The following NHSL1 variants were observed in gnomAD, a reference collection of about 807,000 sequenced individuals.
The protein encoded by NHSL1 is NHS-like protein 1.
Under a neutral mutation model 95.0 loss-of-function variants are expected in NHSL1, and 48 were observed. The observed-to-expected ratio is 0.51, with a 90% CI of 0.40 to 0.64. NHSL1 has a LOEUF of 0.64. NHSL1 is among the 30% of genes least tolerant of loss of function. The pLI, the probability that NHSL1 is intolerant of heterozygous loss-of-function variation, is 0.00. For synonymous variants in NHSL1, 783 were observed against 833.9 expected (o/e 0.94, Z 1.05); for missense variants, 1,971 against 2,077.7 (o/e 0.95, Z 1.00).
chr6:138,447,032 G>T lies in NHSL1; in HGVS notation c.501C>A (p.Val167=). The change falls in exon 4 of 8, where the codon GTC becomes GTA. Residue 167 remains valine, a synonymous_variant. Coordinates refer to ENST00000343505, the MANE Select transcript of NHSL1 (RefSeq NM_001144060.2). The part of the protein sequence containing the change: ...EEKMRQQAQT[V]QADVVPINIT... ...TGTTAATAGGCACCACGTCAGCCTG[G>T]ACTGTTTGGGCTTGCTGTCGCATCT... 2 of 1,551,720 alleles carry T rather than the reference G, an allele frequency of 1.3e-6. No individual in the cohort carries two copies. The highest frequency in any genetic ancestry group is 1.7e-6 in the Non-Finnish European group (2 of 1,146,994).
In NHSL1 at chr6:138,432,555, C is replaced by T. The variant is rs985605449; in HGVS notation, c.1790G>A (p.Gly597Glu). 6.4e-7 allele frequency: 1 copy of T among 1,552,048 alleles called. No homozygotes were observed. Among genetic ancestry groups the T allele is most frequent in the Non-Finnish European group, 8.7e-7 (1 of 1,147,052 alleles). The change falls in exon 6 of 8, where the codon GGG becomes GAG. Residue 597 changes from glycine to glutamate, a missense_variant. By Grantham distance (98) the Gly-to-Glu change is moderately conservative. Around this residue, in one of 3 missense-constraint regions of NHSL1, gnomAD observed 1,602 missense variants for 1,654.5 expected, o/e 0.97. Transcript: ENST00000343505. The surrounding 1 kb of genome is among the most constrained non-coding windows in gnomAD (Gnocchi z 4.4). ...ATCGTGGTCCTCAGAATACAGCGAC[C>T]CAGCATCCTCTTTGTTGGACGTTTG... ...LDQTSNKEDA[G>E]SLYSEDHDGY... is the part of the protein sequence containing the mutation.
At chr6:138,444,833 AAT>A (rs1177029944) in intron 4 of NHSL1, among the ~76,000 whole-genome samples, 2 of 152,224 alleles carry the variant, frequency 1.3e-5, no homozygotes, top group African/African-American at 4.8e-5. Context: ...TTCTTTAAGA[AAT>A]ATGTGTGTAT....
At chr6:138,593,004 C>A (rs1394689003) in intron 1 of NHSL1, among the ~76,000 whole-genome samples, 1 of 152,142 alleles carries the variant, frequency 6.6e-6, no homozygotes, top group Non-Finnish European at 1.5e-5. Context: ...TCTGTCATGG[C>A]AGTTCACTTC....
chr6:138,689,142 A>C (rs1199498616), intron 1 of NHSL1, among the ~76,000 whole-genome samples: 2 of 152,202 alleles, frequency 1.3e-5, no homozygotes, highest in African/African-American at 4.8e-5. Context: ...TAAGTCACTA[A>C]GTATTAATTC....
chr6:138,614,830 A>G (rs1443371159), intron 1 of NHSL1, among the ~76,000 whole-genome samples: 1 of 152,156 alleles, frequency 6.6e-6, no homozygotes, highest in African/African-American at 2.4e-5. Context: ...TGAACTGCGC[A>G]TGGGAGGGAT....
intron 1 of NHSL1, among the ~76,000 whole-genome samples, chr6:138,497,753 C>T (rs1780442034): frequency 6.6e-6 from 1 of 152,150 alleles, no homozygotes; most frequent in African/African-American, 2.4e-5. Context: ...TCTTGTAAAC[C>T]TGGGCCACAT....
intron 1 of NHSL1, among the ~76,000 whole-genome samples, chr6:138,666,754 A>G (rs995640824): frequency 6.6e-6 from 1 of 152,194 alleles, no homozygotes; most frequent in Non-Finnish European, 1.5e-5. Flanking sequence ...GTATATTGAT[A>G]TACAGGAGGG....
At chr6:138,453,147 G>T (rs959131843) in intron 3 of NHSL1, among the ~76,000 whole-genome samples, 2 of 151,016 alleles carry the variant, frequency 1.3e-5, no homozygotes, top group Non-Finnish European at 3.0e-5. Flanking sequence ...GCTAATTTTT[G>T]TATTTTTAGT....
chr6:138,570,156 G>A (rs545264395), intron 1 of NHSL1, among the ~76,000 whole-genome samples: 6 of 152,306 alleles, frequency 3.9e-5, no homozygotes, highest in African/African-American at 1.4e-4. Context: ...AGCATCTACA[G>A]TAGAAATCCT....
Position 138,472,958 on chromosome 6 carries a change from T to C in NHSL1, c.339+348A>G, listed in dbSNP as rs149496584. Among the ~76,000 whole-genome samples, 886 of 152,326 alleles carry C rather than the reference T, an allele frequency of 5.8e-3. 1 individual carries two copies. The highest frequency in any genetic ancestry group is 9.8e-3 in the Non-Finnish European group (669 of 68,028). On this transcript the variant is annotated intron_variant, in intron 3 of 7. Coordinates refer to ENST00000343505, the MANE Select transcript of NHSL1 (RefSeq NM_001144060.2). ...ACTCAAACAAAAGAAATAAGCCCTTTATTTTTCTAACCAAAAAAGAATATT... is the reference window on the plus strand; with the variant it reads ...ACTCAAACAAAAGAAATAAGCCCTTCATTTTTCTAACCAAAAAAGAATATT...
intron 3 of NHSL1, among the ~76,000 whole-genome samples, chr6:138,451,192 C>T (rs1047447385): frequency 2.0e-5 from 3 of 152,148 alleles, no homozygotes; most frequent in Non-Finnish European, 4.4e-5. Flanking sequence ...ATTTATTCTA[C>T]TCCAGCCACA....
chr6:138,646,517 T>C (rs6933977), intron 1 of NHSL1, among the ~76,000 whole-genome samples: 6,308 of 151,938 alleles, frequency 0.042, 343 homozygotes, highest in African/African-American at 0.13. Flanking sequence ...AAAAAAATTC[T>C]TATCAATACT....
intron 1 of NHSL1, among the ~76,000 whole-genome samples, chr6:138,635,934 G>T (rs1370765756): frequency 7.3e-6 from 1 of 137,268 alleles, no homozygotes; most frequent in East Asian, 2.2e-4. Context: ...GTCAAATAGT[G>T]AAATGCCGTC....
At chr6:138,458,741 G>A (rs574229632) in intron 3 of NHSL1, among the ~76,000 whole-genome samples, 11 of 150,628 alleles carry the variant, frequency 7.3e-5, no homozygotes, top group East Asian at 2.0e-4. Flanking sequence ...CAGGAGAATC[G>A]CTTGAACCTG....
Position 138,430,295 on chromosome 6 carries a change from C to T in NHSL1, c.3952+98G>A. ...TAGCTTTAACAGGAATCTGATCTAC[C>T]TGGGTTCTTTCCACGTGTGAGCATT... is the stretch of plus-strand genomic sequence containing the variant. On this transcript the variant is annotated intron_variant, in intron 6 of 7. Coordinates refer to ENST00000343505, the MANE Select transcript of NHSL1 (RefSeq NM_001144060.2). The surrounding 1 kb of genome is among the most constrained non-coding windows in gnomAD (Gnocchi z 4.7). 7.2e-7 allele frequency: 1 copy of T among 1,384,810 alleles called. No individual in the cohort carries two copies. Among genetic ancestry groups the T allele is most frequent in the Non-Finnish European group, 9.4e-7 (1 of 1,061,592 alleles). 85.8% of individuals were successfully genotyped at this position (1,384,810 alleles called of 1,614,324 possible).
rs534520390 is a variant in NHSL1 at position 138,534,934 on chromosome 6, G to A, written c.16+10689C>T. On this transcript the variant is annotated intron_variant, in intron 1 of 4. Transcript: ENST00000342260. The stretch of plus-strand genomic sequence containing the variant: ...GACTAAAGGTTTGATGCAGCTGCAA[G>A]TTCTGTAGCTTAGAAAACAGACTTT... 5.9e-5 allele frequency among the ~76,000 whole-genome samples: 9 copies of A among 152,326 alleles called. No homozygotes were observed. In the East Asian group the frequency reaches 1.7e-3, roughly 29 times the overall value.
At chr6:138,574,462 G>T (rs1783931820), upstream of NHSL1, among the ~76,000 whole-genome samples, 1 of 152,060 alleles carries the variant, frequency 6.6e-6, no homozygotes, top group Admixed American at 6.6e-5. Context: ...ACTCAAAGGA[G>T]CCATGGAACC....
intron 1 of NHSL1, among the ~76,000 whole-genome samples, chr6:138,658,409 T>C (rs1232539769): frequency 1.3e-5 from 2 of 152,242 alleles, no homozygotes; most frequent in Non-Finnish European, 2.9e-5. Flanking sequence ...GTTCAACTTT[T>C]TAAAAATTCC....
chr6:138,431,201 C>T lies in NHSL1; in HGVS notation c.3144G>A (p.Arg1048=). ...FTNSGQPESS[R]GSLRPPSTKE... is the part of the protein sequence containing the mutation. Reference sequence around the variant, plus strand: ...TGGTAGAAGGCGGCCTCAAGGATCCCCGGGAGGATTCTGGCTGGCCAGAAT... The same window carrying T: ...TGGTAGAAGGCGGCCTCAAGGATCCTCGGGAGGATTCTGGCTGGCCAGAAT... Residue 1048 remains arginine, a synonymous_variant, in exon 6 of 8, where the codon CGG becomes CGA. Transcript: ENST00000343505. The surrounding 1 kb of genome is among the most constrained non-coding windows in gnomAD (Gnocchi z 4.0). 6.5e-7 allele frequency: 1 copy of T among 1,540,620 alleles called. No individual in the cohort carries two copies.
Sources: gnomAD v4.1 joint callset for allele counts (sites outside exome capture counted in the v4.1 genomes callset) on GRCh38, gnomAD v4.1.1 for gene constraint, gnomAD v4.1.1 regional missense constraint, Gnocchi (gnomAD v3.1) non-coding constraint, MANE v1.5 for transcripts, NCBI Gene and HGNC (gene_info 2026-07-23, HGNC 2026-07-21) for gene names.